Variants in MSI2 observed in about 807,000 individuals in gnomAD.
MSI2 encodes musashi RNA binding protein 2.
In MSI2, 17 loss-of-function variants were observed where a neutral mutation model predicts 45.6. The ratio of observed to expected loss-of-function variants is 0.37; its 90% CI spans 0.26 to 0.56. The LOEUF (loss-of-function observed/expected upper bound fraction) is 0.56. MSI2 is among the 20% of genes least tolerant of loss of function. MSI2 has a pLI of 0.77. For synonymous variants in MSI2, 156 were observed against 158.2 expected (o/e 0.99, Z 0.11); for missense variants, 293 against 444.2 (o/e 0.66, Z 3.06).
At chr17:57,369,866 G>C (rs1282292999) in intron 5 of MSI2, among the ~76,000 whole-genome samples, 1 of 152,162 alleles carries the variant, frequency 6.6e-6, no homozygotes. Context: ...TCCATATCCT[G>C]TGTCCCTGGG....
rs139155266 is a variant in MSI2, at chr17:57,401,414, G to T, written c.348G>T (p.Gly116=). 1 of 1,614,078 alleles carries T rather than the reference G, an allele frequency of 6.2e-7. No individual in the cohort carries two copies. Among genetic ancestry groups the T allele is most frequent in the Non-Finnish European group, 8.5e-7 (1 of 1,180,024 alleles). The change falls in exon 6 of 14, where the codon GGG becomes GGT. Residue 116 remains glycine (G), a synonymous_variant. Coordinates refer to ENST00000284073, the MANE Select transcript of MSI2 (RefSeq NM_138962.4). ...GAACAAAGAAAATATTTGTAGGCGG[G>T]TTATCTGCGAACACAGTAGTGGAAG... is the stretch of plus-strand genomic sequence containing the variant. ...VTRTKKIFVG[G]LSANTVVEDV...
At chr17:57,692,298 T>C in the MSI2 span, among the ~76,000 whole-genome samples, 2 of 152,202 alleles carry the variant, frequency 1.3e-5, no homozygotes, top group African/African-American at 4.8e-5. Flanking sequence ...TGTACTGTTA[T>C]TTTCTTTCAA....
intron 7 of MSI2, among the ~76,000 whole-genome samples, chr17:57,577,072 G>A (rs1003604262): frequency 6.6e-6 from 1 of 152,120 alleles, no homozygotes; most frequent in East Asian, 1.9e-4. Flanking sequence ...ACAGTATTAC[G>A]GGAAAAATTC....
At chr17:57,544,686 C>G (rs914978043) in intron 7 of MSI2, among the ~76,000 whole-genome samples, 11 of 152,138 alleles carry the variant, frequency 7.2e-5, no homozygotes, top group Non-Finnish European at 4.4e-5. Flanking sequence ...AATGGTTTGA[C>G]AATATATATG....
At chr17:57,486,212 G>A (rs772418364) in intron 6 of MSI2, among the ~76,000 whole-genome samples, 3 of 152,228 alleles carry the variant, frequency 2.0e-5, no homozygotes, top group Non-Finnish European at 4.4e-5. Flanking sequence ...CCTAGCAAAT[G>A]CAGACAATAC....
intron 10 of MSI2, among the ~76,000 whole-genome samples, chr17:57,651,653 C>T (rs901670982): frequency 7.9e-5 from 12 of 152,190 alleles, no homozygotes; most frequent in African/African-American, 7.2e-5. Context: ...GTCAAGAGGC[C>T]GTCCCAAGTG....
chr17:57,258,450 G>A, intron 4 of MSI2, 96 bp downstream of exon 4: 1 of 1,039,910 alleles, frequency 9.6e-7, no homozygotes, highest in Non-Finnish European at 1.5e-6. Flanking sequence ...TTTTGCTTCT[G>A]TGCTAGAACT....
intron 6 of MSI2, among the ~76,000 whole-genome samples, chr17:57,436,649 G>C (rs985707026): frequency 6.6e-6 from 1 of 152,220 alleles, no homozygotes; most frequent in Non-Finnish European, 1.5e-5. Flanking sequence ...GAGGAGGCAG[G>C]GGGGTGAGAG....
At chr17:57,321,867 G>GC (rs1321287119) in intron 5 of MSI2, among the ~76,000 whole-genome samples, 1 of 152,032 alleles carries the variant, frequency 6.6e-6, no homozygotes, top group African/African-American at 2.4e-5. Context: ...CGCGATCTTG[G>GC]CTCACCGCAA....
chr17:57,516,456 G>C (rs181930665), intron 6 of MSI2, among the ~76,000 whole-genome samples: 1 of 152,044 alleles, frequency 6.6e-6, no homozygotes, highest in Non-Finnish European at 1.5e-5. Flanking sequence ...ATTTGCATGC[G>C]ACCCATTGCA....
intron 7 of MSI2, among the ~76,000 whole-genome samples, chr17:57,593,335 T>G (rs975891506): frequency 6.6e-6 from 1 of 152,202 alleles, no homozygotes; most frequent in Non-Finnish European, 1.5e-5. Flanking sequence ...CAGAAACTTC[T>G]TGTCTCACAG....
the MSI2 span, among the ~76,000 whole-genome samples, chr17:57,695,001 C>T: frequency 1.4e-3 from 220 of 152,266 alleles, 5 homozygotes; most frequent in East Asian, 0.033. Context: ...AGAAAATCTT[C>T]GGGGAGATAA....
chr17:57,466,077 T>G (rs1293474336), intron 6 of MSI2, among the ~76,000 whole-genome samples: 1 of 152,156 alleles, frequency 6.6e-6, no homozygotes, highest in Non-Finnish European at 1.5e-5. Context: ...CCCAGCTCGG[T>G]GCACACCAGG....
intron 5 of MSI2, among the ~76,000 whole-genome samples, chr17:57,316,785 G>C (rs1460470778): frequency 2.6e-5 from 4 of 152,170 alleles, no homozygotes; most frequent in African/African-American, 9.7e-5. Context: ...CTGAGTGAAG[G>C]CTTGAGGTCC....
At chr17:57,309,423 G>A (rs913934240) in intron 5 of MSI2, among the ~76,000 whole-genome samples, 2 of 152,202 alleles carry the variant, frequency 1.3e-5, no homozygotes, top group Non-Finnish European at 2.9e-5. Context: ...TAGCTTCCAG[G>A]ATGGGCTTGC....
chr17:57,486,891 G>A (rs1448006797), intron 6 of MSI2, among the ~76,000 whole-genome samples: 1 of 152,152 alleles, frequency 6.6e-6, no homozygotes, highest in Non-Finnish European at 1.5e-5. Context: ...GTCCTTACTG[G>A]CAGGGATCAC....
chr17:57,385,309 C>T (rs2083666584), intron 5 of MSI2, among the ~76,000 whole-genome samples: 1 of 152,198 alleles, frequency 6.6e-6, no homozygotes, highest in African/African-American at 2.4e-5. Context: ...TGTCTCCATC[C>T]TCATCTCCCC....
At chr17:57,471,541 A>C (rs2085437683) in intron 6 of MSI2, among the ~76,000 whole-genome samples, 1 of 152,042 alleles carries the variant, frequency 6.6e-6, no homozygotes, top group Non-Finnish European at 1.5e-5. Context: ...CATCGTACTC[A>C]CAGGTGACCT....
rs145329279 is a variant in MSI2 at position 57,675,112 on chromosome 17, G to A, written c.931G>A (p.Gly311Ser). The stretch of plus-strand genomic sequence containing the variant: ...CAGCCCACAGCCGGGCTCGGGCTTC[G>A]GCCACGGCATAGCTGTAAGTACCTG... ...AASPQPGSGFGHGIAGPLIAT... is the reference protein window; with the variant it reads ...AASPQPGSGFSHGIAGPLIAT... Residue 311 changes from glycine to serine, a missense_variant, in exon 12 of 14, where the codon GGC becomes AGC. Coordinates refer to ENST00000284073, the MANE Select transcript of MSI2 (RefSeq NM_138962.4). 114 of 1,613,346 alleles carry A rather than the reference G, an allele frequency of 7.1e-5. No individual in the cohort carries two copies. The African/African-American group carries it at 9.7e-4, about 14-fold the overall frequency.
Sources: allele counts gnomAD v4.1 joint callset (sites outside exome capture counted in the v4.1 genomes callset), GRCh38; gene constraint gnomAD v4.1.1; transcripts MANE v1.5; gene names NCBI Gene and HGNC (gene_info 2026-07-23, HGNC 2026-07-21).